NFIB: variants seen among roughly 807,000 people sequenced by gnomAD.
NFIB encodes the protein nuclear factor I B, also known as nuclear factor 1 B-type.
A neutral mutation model predicts 61.5 loss-of-function variants in NFIB; 11 were observed. The ratio of observed to expected loss-of-function variants is 0.18; its 90% CI spans 0.11 to 0.30. The LOEUF (loss-of-function observed/expected upper bound fraction) is 0.30. Among genes scored for constraint, NFIB ranks in the 10% least tolerant of loss-of-function variants. The pLI is 1.00. For missense variants in NFIB, 471 were observed against 608.9 expected, an observed-to-expected ratio of 0.77 and a Z score of 2.38; for synonymous variants, 260 against 216.5, an observed-to-expected ratio of 1.20 and a Z score of -1.76.
chr9:14,515,357 T>G, the NFIB span, among the ~76,000 whole-genome samples: 3 of 152,224 alleles, frequency 2.0e-5, no homozygotes, highest in African/African-American at 7.2e-5. Context: ...TCTGCAGACC[T>G]GAGCTCTCCG....
chr9:14,292,688 C>T (rs891367074), intron 2 of NFIB, among the ~76,000 whole-genome samples: 2 of 152,160 alleles, frequency 1.3e-5, no homozygotes, highest in African/African-American at 4.8e-5. Context: ...TTTTCTCTTC[C>T]ACTTCAGCAA....
chr9:14,126,700 CT>C (rs2039697877), intron 6 of NFIB, among the ~76,000 whole-genome samples: 1 of 152,212 alleles, frequency 6.6e-6, no homozygotes, highest in Non-Finnish European at 1.5e-5. Context: ...CGTCTGAATG[CT>C]TACCCTCATA....
At chr9:14,356,235 T>G (rs767682730) in intron 1 of NFIB, among the ~76,000 whole-genome samples, 1 of 152,084 alleles carries the variant, frequency 6.6e-6, no homozygotes, top group Non-Finnish European at 1.5e-5. Flanking sequence ...GGAGGGAACT[T>G]ATGGATCCCA....
At chr9:14,485,339 G>C in the NFIB span, among the ~76,000 whole-genome samples, 1 of 147,158 alleles carries the variant, frequency 6.8e-6, no homozygotes, top group Admixed American at 6.7e-5. Flanking sequence ...GCAGATAAAG[G>C]TCAATTTACC....
At chr9:14,402,630 C>T (rs74725663), upstream of NFIB, among the ~76,000 whole-genome samples, 8,946 of 152,138 alleles carry the variant, frequency 0.059, 342 homozygotes, top group Non-Finnish European at 0.087. Context: ...ATATTTATAA[C>T]TCATTTCAAC....
chr9:14,296,566 T>C (rs887535083), intron 2 of NFIB, among the ~76,000 whole-genome samples: 1 of 152,210 alleles, frequency 6.6e-6, no homozygotes, highest in African/African-American at 2.4e-5. Flanking sequence ...ATAAACAGGA[T>C]TAGTGCCCTT....
At chr9:14,101,107 A>C (rs1029795521) in intron 10 of NFIB, among the ~76,000 whole-genome samples, 1 of 152,242 alleles carries the variant, frequency 6.6e-6, no homozygotes, top group African/African-American at 2.4e-5. Flanking sequence ...TTTTAATGAG[A>C]TACTTTCACT....
Position 14,150,281 on chromosome 9 carries a change from A to C in NFIB, c.686-16T>G. ...GTTATGGGCGCTGAGGAATAAGACAAAGAAGCACTGGGAATGACATTCGTA... is the reference window on the plus strand; with the variant it reads ...GTTATGGGCGCTGAGGAATAAGACACAGAAGCACTGGGAATGACATTCGTA... On this transcript the variant is annotated splice_polypyrimidine_tract_variant and intron_variant, in intron 4 of 10. Coordinates refer to ENST00000380953, the MANE Select transcript of NFIB (RefSeq NM_001190737.2). The C allele has an allele frequency of 6.2e-7, 1 of 1,612,970 alleles. No homozygotes were observed.
At chr9:14,122,109 A>G in intron 7 of NFIB, among the ~76,000 whole-genome samples, 1 of 149,200 alleles carries the variant, frequency 6.7e-6, no homozygotes, top group East Asian at 2.0e-4. Flanking sequence ...ATGAAAAAAA[A>G]TAAATTTTAG....
intron 6 of NFIB, among the ~76,000 whole-genome samples, chr9:14,143,549 C>T (rs2041973623): frequency 6.6e-6 from 1 of 152,102 alleles, no homozygotes; most frequent in Non-Finnish European, 1.5e-5. Flanking sequence ...CAGAATAAGG[C>T]ATACCCAGGA....
chr9:14,347,623 C>G (rs1010775381), intron 1 of NFIB, among the ~76,000 whole-genome samples: 13 of 127,056 alleles, frequency 1.0e-4, no homozygotes, highest in Admixed American at 5.4e-4. Flanking sequence ...GGCCAGCTCC[C>G]TAGGCGGTTG....
At chr9:14,227,437 C>A (rs1007829390) in intron 2 of NFIB, among the ~76,000 whole-genome samples, 1 of 152,038 alleles carries the variant, frequency 6.6e-6, no homozygotes, top group African/African-American at 2.4e-5. Context: ...TTTTAAAAAC[C>A]AATGAATTGG....
At chr9:14,220,878 C>CACACACACACACAA (rs1277000436) in intron 2 of NFIB, among the ~76,000 whole-genome samples, 2 of 151,200 alleles carry the variant, frequency 1.3e-5, no homozygotes, top group African/African-American at 4.9e-5. Flanking sequence ...CACACACACA[C>CACACACACACACAA]ACACACACCA....
At chr9:14,140,618 C>G (rs1454785110) in intron 6 of NFIB, among the ~76,000 whole-genome samples, 2 of 152,166 alleles carry the variant, frequency 1.3e-5, no homozygotes, top group South Asian at 2.1e-4. Context: ...CATATCTTTT[C>G]ACATTCCTAA....
exon 1 of NFIB, chr9:14,398,540 A>G: frequency 1.3e-6 from 2 of 1,534,850 alleles, no homozygotes; most frequent in South Asian, 2.4e-5. Context: ...TCCAAAGCAC[A>G]GAGTTGACAT....
intron 2 of NFIB, among the ~76,000 whole-genome samples, chr9:14,230,043 G>A (rs1218222673): frequency 1.3e-5 from 2 of 152,192 alleles, no homozygotes; most frequent in African/African-American, 4.8e-5. Context: ...GACCTCAGGT[G>A]ATCAGCCCGC....
At chr9:14,454,109 A>G in the NFIB span, among the ~76,000 whole-genome samples, 1 of 152,206 alleles carries the variant, frequency 6.6e-6, no homozygotes, top group East Asian at 1.9e-4. Flanking sequence ...TTGTACAAAC[A>G]TATAGGTAGT....
chr9:14,408,804 G>T, the NFIB span, among the ~76,000 whole-genome samples: 1 of 152,066 alleles, frequency 6.6e-6, no homozygotes, highest in Non-Finnish European at 1.5e-5. Context: ...TACTTATTAG[G>T]TTTCAGGCAT....
chr9:14,519,984 C>A, the NFIB span, among the ~76,000 whole-genome samples: 3 of 151,754 alleles, frequency 2.0e-5, no homozygotes, highest in Admixed American at 2.0e-4. Context: ...CCCCTTAGTT[C>A]TCTACGTTAT....
Sources: gnomAD v4.1 joint callset for allele counts (sites outside exome capture counted in the v4.1 genomes callset) on GRCh38, gnomAD v4.1.1 for gene constraint, MANE v1.5 for transcripts, NCBI Gene and HGNC (gene_info 2026-07-23, HGNC 2026-07-21) for gene names.